PLXNC1: variants seen among roughly 807,000 people sequenced by gnomAD.
PLXNC1 encodes plexin-C1.
A neutral mutation model predicts 178.2 loss-of-function variants in PLXNC1; 75 were observed. The observed-to-expected ratio is 0.42, with a 90% confidence interval of 0.35 to 0.51. The LOEUF (loss-of-function observed/expected upper bound fraction) is 0.51. Ranked by LOEUF, PLXNC1 falls within the 20% of genes least tolerant of loss-of-function variation. The pLI, the probability that PLXNC1 is intolerant of heterozygous loss-of-function variation, is 0.02. For missense variants in PLXNC1, 1,503 were observed against 1,984.4 expected (o/e 0.76, Z 4.61); for synonymous variants, 790 against 779.9 (o/e 1.01, Z -0.22).
At chr12:94,271,438 A>G (rs945585882) in intron 21 of PLXNC1, among the ~76,000 whole-genome samples, 15 of 152,226 alleles carry the variant, frequency 9.9e-5, no homozygotes, top group Middle Eastern at 3.2e-3. Context: ...TGCCTCCTCA[A>G]TACCCAAAAC....
chr12:94,294,629 G>C, intron 24 of PLXNC1, 89 bp downstream of exon 24: 1 of 630,280 alleles, frequency 1.6e-6, no homozygotes, highest in Non-Finnish European at 2.9e-6. Context: ...TGTCACAAAG[G>C]TGAGATTGAG....
At chr12:94,274,722 C>A (rs1401581039) in intron 21 of PLXNC1, among the ~76,000 whole-genome samples, 1 of 152,186 alleles carries the variant, frequency 6.6e-6, no homozygotes, top group African/African-American at 2.4e-5. Flanking sequence ...CTTGTACTTC[C>A]AAAGGCAGGA....
At chr12:94,158,722 G>T (rs1961268637) in intron 1 of PLXNC1, among the ~76,000 whole-genome samples, 1 of 152,176 alleles carries the variant, frequency 6.6e-6, no homozygotes, top group African/African-American at 2.4e-5. Context: ...GATCGCTTGA[G>T]CCCGGGAGTT....
rs542959442 is a variant in PLXNC1, at chr12:94,186,437, C to T, written c.1403C>T (p.Thr468Ile). The change falls in exon 4 of 31, where the codon ACA (threonine) becomes ATA (isoleucine). Residue 468 changes from threonine to isoleucine, a missense_variant. Transcript: ENST00000258526. ...TCCTGTTCGGAGTGTTTAACAGCCA[C>T]AGACCCTCACTGCGGTTGGTGCCAT... ...HKSCSECLTA[T>I]DPHCGWCHSL... 79 of 1,613,698 alleles carry T rather than the reference C, an allele frequency of 4.9e-5. No individual in the cohort carries two copies. In the East Asian group the frequency reaches 5.6e-4, roughly 11 times the overall value.
chr12:94,225,481 T>C (rs1030290555), intron 7 of PLXNC1, among the ~76,000 whole-genome samples: 1 of 152,034 alleles, frequency 6.6e-6, no homozygotes, highest in African/African-American at 2.4e-5. Flanking sequence ...AGAATGGATT[T>C]AAGGAGAAAA....
chr12:94,282,609 A>G (rs1966530853), intron 23 of PLXNC1, among the ~76,000 whole-genome samples: 1 of 152,226 alleles, frequency 6.6e-6, no homozygotes, highest in Non-Finnish European at 1.5e-5. Context: ...CCCTTCTCAG[A>G]AGGCTATGAT....
At chr12:94,289,611 T>A (rs1967071980) in intron 23 of PLXNC1, among the ~76,000 whole-genome samples, 1 of 152,206 alleles carries the variant, frequency 6.6e-6, no homozygotes, top group Non-Finnish European at 1.5e-5. Flanking sequence ...GCTCCTCAGA[T>A]GGAACAAATG....
At position 94,149,785 on chromosome 12, in the gene PLXNC1, G is replaced by C. The variant is rs1405758789; in HGVS notation, c.814G>C (p.Glu272Gln). The change falls in exon 1 of 31, where the codon GAG becomes CAG. Residue 272 changes from glutamate to glutamine, a missense_variant. Glu to Gln is a conservative substitution (Grantham distance 29). Coordinates refer to ENST00000258526, the MANE Select transcript of PLXNC1 (RefSeq NM_005761.3). The part of the protein sequence containing the change: ...PSMARIAQST[E>Q]VLFQGQASLD... ...CATGGCGCGCATCGCGCAGAGCACC[G>C]AGGTGCTGTTCCAGGGCCAGGCATC... is the stretch of plus-strand genomic sequence containing the variant. 1 of 1,607,620 alleles carries C rather than the reference G, an allele frequency of 6.2e-7. No homozygotes were observed. The highest frequency in any genetic ancestry group is 1.1e-5 in the South Asian group (1 of 90,586).
intron 3 of PLXNC1, among the ~76,000 whole-genome samples, chr12:94,184,691 G>A (rs995082977): frequency 6.6e-6 from 1 of 152,218 alleles, no homozygotes; most frequent in Non-Finnish European, 1.5e-5. Flanking sequence ...GGGATTACAG[G>A]TGTGAGCCAC....
Position 94,244,155 on chromosome 12 carries a change from T to C in PLXNC1, c.2388+130T>C, listed in dbSNP as rs185145835. 1.7e-3 allele frequency: 854 copies of C among 508,118 alleles called. 2 individuals are homozygous for C. The highest frequency in any genetic ancestry group is 1.4e-3 in the Non-Finnish European group (380 of 278,204). 31.5% of individuals were successfully genotyped at this position (508,118 alleles called of 1,614,324 possible). On this transcript the variant is annotated intron_variant, in intron 12 of 30. Transcript: ENST00000258526. ...TTATAAACTTTTACCTATGCTATCA[T>C]ATATTCTATCCATGCTAGAATGGAA...
At chr12:94,292,613 C>G (rs770601494) in intron 23 of PLXNC1, among the ~76,000 whole-genome samples, 8 of 152,152 alleles carry the variant, frequency 5.3e-5, no homozygotes, top group Non-Finnish European at 8.8e-5. Context: ...TATTTGCATA[C>G]ACATAATGAA....
chr12:94,199,661 T>C (rs536164760), intron 4 of PLXNC1, among the ~76,000 whole-genome samples: 2 of 152,160 alleles, frequency 1.3e-5, no homozygotes, highest in African/African-American at 2.4e-5. Flanking sequence ...GAGTTCTATG[T>C]ATTTCAAAGC....
chr12:94,259,588 T>C, intron 18 of PLXNC1, 22 bp from the exon 19 acceptor site: 3 of 1,524,062 alleles, frequency 2.0e-6, no homozygotes, highest in Non-Finnish European at 1.8e-6. Context: ...TATTATACTA[T>C]ATATTTTTTT....
chr12:94,297,160 C>G, intron 24 of PLXNC1, 29 bp from the exon 25 acceptor site: 4 of 1,612,530 alleles, frequency 2.5e-6, no homozygotes, highest in Non-Finnish European at 3.4e-6. Flanking sequence ...TAATGGACTG[C>G]TTTCTCTCCC....
chr12:94,167,521 C>T (rs892374722), intron 1 of PLXNC1, among the ~76,000 whole-genome samples: 13 of 152,144 alleles, frequency 8.5e-5, no homozygotes, highest in African/African-American at 2.9e-4. Flanking sequence ...TTGAACAATT[C>T]TGGATTTATT....
chr12:94,167,254 G>A (rs978622868), intron 1 of PLXNC1, among the ~76,000 whole-genome samples: 1 of 152,114 alleles, frequency 6.6e-6, no homozygotes, highest in African/African-American at 2.4e-5. Context: ...ATTAGAACAG[G>A]TACAGTATTA....
At chr12:94,262,701 C>T (rs1965030331) in intron 20 of PLXNC1, 1 of 985,434 alleles carries the variant, frequency 1.0e-6, no homozygotes, top group South Asian at 4.7e-5. Flanking sequence ...ACACCGACAG[C>T]CCTAGTCCTC....
intron 24 of PLXNC1, 23 bp from the exon 25 acceptor site, chr12:94,297,166 C>T (rs1968014208): frequency 6.2e-7 from 1 of 1,612,154 alleles, no homozygotes; most frequent in Non-Finnish European, 8.5e-7. Flanking sequence ...ACTGCTTTCT[C>T]TCCCTCTTTC....
chr12:94,292,015 T>C (rs1026953323), intron 23 of PLXNC1, among the ~76,000 whole-genome samples: 5 of 152,224 alleles, frequency 3.3e-5, no homozygotes, highest in Admixed American at 6.5e-5. Context: ...CTTCTTCGCG[T>C]GTTTTTGCAG....
Sources: gnomAD v4.1 joint callset for allele counts (sites outside exome capture counted in the v4.1 genomes callset) on GRCh38, gnomAD v4.1.1 for gene constraint, MANE v1.5 for transcripts, NCBI Gene and HGNC (gene_info 2026-07-23, HGNC 2026-07-21) for gene names.